Variants in MECOM observed in about 807,000 individuals in gnomAD.
MECOM encodes MDS1 and EVI1 complex locus, also known as histone-lysine N-methyltransferase MECOM.
MECOM carries 13 observed loss-of-function variants against 116.3 expected under a neutral mutation model. The observed-to-expected ratio is 0.11, with a 90% CI of 0.07 to 0.18. The LOEUF is 0.18. MECOM is among the 10% of genes least tolerant of loss of function. The pLI, the probability that MECOM is intolerant of heterozygous loss-of-function variation, is 1.00. For synonymous variants in MECOM, 528 were observed against 535.2 expected, an observed-to-expected ratio of 0.99 and a Z score of 0.19; for missense variants, 1,299 against 1,509.0, an observed-to-expected ratio of 0.86 and a Z score of 2.31.
chr3:169,114,384 A>T lies in MECOM; in HGVS notation c.2489+999T>A, dbSNP rs564705385. On this transcript the variant is annotated intron_variant, in intron 8 of 16. Coordinates refer to ENST00000651503, the MANE Select transcript of MECOM (RefSeq NM_004991.4). ...GTGTTTCCTTGTTAACGCATTATAG[A>T]TAATATACATAGAAGAAGAATTGTA... Among the ~76,000 whole-genome samples, 3 of 152,196 alleles carry T rather than the reference A, an allele frequency of 2.0e-5. No homozygotes were observed. In the South Asian group the frequency reaches 6.2e-4, roughly 32 times the overall value.
At chr3:169,564,733 T>G (rs573829218) in intron 1 of MECOM, among the ~76,000 whole-genome samples, 15 of 152,252 alleles carry the variant, frequency 9.9e-5, no homozygotes, top group Non-Finnish European at 1.8e-4. Context: ...CTAAAAGGTT[T>G]CATGTAATGA....
At chr3:169,209,797 G>T (rs986204191) in intron 2 of MECOM, among the ~76,000 whole-genome samples, 7 of 152,224 alleles carry the variant, frequency 4.6e-5, no homozygotes, top group Non-Finnish European at 8.8e-5. Context: ...ACAGTGTGGC[G>T]ATTCCTCAAG....
chr3:169,662,670 G>C (rs1028355433), intron 1 of MECOM, among the ~76,000 whole-genome samples: 12 of 147,852 alleles, frequency 8.1e-5, no homozygotes, highest in Admixed American at 1.4e-4. Context: ...GAGCATGGCC[G>C]AGCGCACAGC....
intron 2 of MECOM, among the ~76,000 whole-genome samples, chr3:169,349,721 TA>T (rs1429909095): frequency 2.0e-5 from 3 of 151,928 alleles, no homozygotes; most frequent in Admixed American, 2.0e-4. Flanking sequence ...AGGTGGGGCT[TA>T]ATTGCAGATA....
chr3:169,631,449 AT>A (rs907485053), intron 1 of MECOM, among the ~76,000 whole-genome samples: 17 of 152,102 alleles, frequency 1.1e-4, no homozygotes, highest in South Asian at 2.1e-4. Flanking sequence ...AAAATAGCAA[AT>A]TTTTTTTATT....
chr3:169,437,760 T>C (rs1742906543), intron 1 of MECOM, among the ~76,000 whole-genome samples: 1 of 152,124 alleles, frequency 6.6e-6, no homozygotes, highest in South Asian at 2.1e-4. Flanking sequence ...GGTCTCAGAG[T>C]AGAGTTCAAC....
At chr3:169,532,065 C>T (rs1472320674) in intron 1 of MECOM, among the ~76,000 whole-genome samples, 1 of 152,210 alleles carries the variant, frequency 6.6e-6, no homozygotes, top group African/African-American at 2.4e-5. Context: ...CAACAATAAA[C>T]ATCACAAGCC....
In MECOM at chr3:169,620,219, C is replaced by T. The variant is rs200504776; in HGVS notation, c.37+43117G>A. 4.8e-3 allele frequency among the ~76,000 whole-genome samples: 726 copies of T among 152,290 alleles called. 8 individuals carry two copies. The highest frequency in any genetic ancestry group is 0.016 in the African/African-American group (658 of 41,542). On this transcript the variant is annotated intron_variant, in intron 1 of 16. Transcript: ENST00000651503. ...CCCTGTGTTCATCTTATTTGGTTTT[C>T]AACAGGTTTATTTCCATTGCAACCC...
At chr3:169,437,699 G>C (rs937075276) in intron 1 of MECOM, among the ~76,000 whole-genome samples, 9 of 152,186 alleles carry the variant, frequency 5.9e-5, no homozygotes, top group African/African-American at 2.2e-4. Context: ...TAGATTTATA[G>C]AGAAACGTGT....
chr3:169,413,325 A>C (rs1044459306), intron 1 of MECOM, among the ~76,000 whole-genome samples: 9 of 152,184 alleles, frequency 5.9e-5, no homozygotes, highest in Non-Finnish European at 1.0e-4. Flanking sequence ...TTTCTGGCCA[A>C]GACACTATGC....
chr3:169,384,181 A>C (rs1195134980), intron 1 of MECOM, among the ~76,000 whole-genome samples: 1 of 152,206 alleles, frequency 6.6e-6, no homozygotes, highest in African/African-American at 2.4e-5. Context: ...TTTAACAAAC[A>C]CTTGTTAAAT....
chr3:169,349,681 T>C (rs374337578), intron 2 of MECOM, among the ~76,000 whole-genome samples: 8 of 152,090 alleles, frequency 5.3e-5, no homozygotes, highest in African/African-American at 1.9e-4. Context: ...CTAGATAAAT[T>C]GTAATCGGCA....
chr3:169,527,319 G>T (rs1008488459), intron 1 of MECOM, among the ~76,000 whole-genome samples: 6 of 152,162 alleles, frequency 3.9e-5, no homozygotes, highest in Admixed American at 3.9e-4. Flanking sequence ...GGAAACTTTC[G>T]TTAGTGACTT....
chr3:169,417,350 T>C (rs1369795167), intron 1 of MECOM, among the ~76,000 whole-genome samples: 1 of 151,112 alleles, frequency 6.6e-6, no homozygotes, highest in Non-Finnish European at 1.5e-5. Context: ...AAAAAACACA[T>C]GAAAAAATGC....
intron 1 of MECOM, among the ~76,000 whole-genome samples, chr3:169,565,613 C>A (rs545056401): frequency 6.6e-6 from 1 of 152,278 alleles, no homozygotes; most frequent in African/African-American, 2.4e-5. Context: ...TTACCCAGGC[C>A]CTGAGACTTC....
At chr3:169,454,764 T>C (rs1053869287) in intron 1 of MECOM, among the ~76,000 whole-genome samples, 4 of 152,170 alleles carry the variant, frequency 2.6e-5, no homozygotes, top group Non-Finnish European at 4.4e-5. Flanking sequence ...CTCTTCTTAT[T>C]ACACATTTAA....
intron 1 of MECOM, among the ~76,000 whole-genome samples, chr3:169,583,492 C>G (rs1038926924): frequency 1.3e-5 from 2 of 152,128 alleles, no homozygotes. Context: ...CTCTCTTTCT[C>G]TTCCTGTAGA....
intron 1 of MECOM, among the ~76,000 whole-genome samples, chr3:169,490,022 G>GA (rs1001845310): frequency 6.6e-6 from 1 of 151,836 alleles, no homozygotes; most frequent in African/African-American, 2.4e-5. Context: ...ATGTAAAACT[G>GA]AAAAAAGAAA....
intron 2 of MECOM, among the ~76,000 whole-genome samples, chr3:169,322,371 C>T (rs1721006761): frequency 6.6e-6 from 1 of 152,168 alleles, no homozygotes; most frequent in Non-Finnish European, 1.5e-5. Context: ...TATTCATTCA[C>T]AAAGAGGCTC....
Sources: allele counts gnomAD v4.1 joint callset (sites outside exome capture counted in the v4.1 genomes callset), GRCh38; gene constraint gnomAD v4.1.1; transcripts MANE v1.5; gene names NCBI Gene and HGNC (gene_info 2026-07-23, HGNC 2026-07-21).